Variants in SERINC5 observed in about 807,000 individuals in gnomAD.
The protein encoded by SERINC5 is serine incorporator 5.
In SERINC5, 41 loss-of-function variants were observed where a neutral mutation model predicts 63.1. The observed-to-expected ratio is 0.65, with a 90% CI of 0.51 to 0.84. The LOEUF (loss-of-function observed/expected upper bound fraction) is 0.84. Ranked by LOEUF, SERINC5 falls within the 40% of genes least tolerant of loss-of-function variation. The pLI, the probability that SERINC5 is intolerant of heterozygous loss-of-function variation, is 0.00. For synonymous variants in SERINC5, 222 were observed against 215.2 expected (o/e 1.03, Z -0.28); for missense variants, 523 against 573.0 (o/e 0.91, Z 0.89).
chr5:80,153,000 G>A (rs916767840), intron 8 of SERINC5, among the ~76,000 whole-genome samples: 9 of 152,182 alleles, frequency 5.9e-5, no homozygotes, highest in Non-Finnish European at 8.8e-5. Flanking sequence ...TTGGGTTAAC[G>A]TAATTTCCGG....
chr5:80,168,878 C>A (rs1204122691), intron 6 of SERINC5, among the ~76,000 whole-genome samples: 1 of 152,172 alleles, frequency 6.6e-6, no homozygotes, highest in East Asian at 1.9e-4. Flanking sequence ...GCTGGCTGAG[C>A]TGGGATGGGA....
At chr5:80,248,181 C>T (rs1290796438) in intron 1 of SERINC5, among the ~76,000 whole-genome samples, 2 of 152,084 alleles carry the variant, frequency 1.3e-5, no homozygotes, top group Non-Finnish European at 2.9e-5. Flanking sequence ...CTAAATTAGG[C>T]ACAGTTAAGA....
At position 80,141,986 on chromosome 5, in the gene SERINC5, T is replaced by C; in HGVS notation, c.*1677A>G. ...AAGGAATGAATAGAAAGAATTTCAC[T>C]AATTTCACCCACCAGCATTTTGGCA... On this transcript the variant is annotated 3_prime_UTR_variant, in exon 12 of 12. Coordinates refer to ENST00000507668, the MANE Select transcript of SERINC5 (RefSeq NM_001174072.3). The C allele has an allele frequency of 1.0e-6, 1 of 985,362 alleles. No homozygotes were observed. The highest frequency in any genetic ancestry group is 1.7e-5 in the African/African-American group (1 of 57,362). The allele number at this position is 985,362 out of a possible 1,614,324, so 61.0% of individuals were successfully genotyped here.
intron 5 of SERINC5, among the ~76,000 whole-genome samples, chr5:80,171,754 T>C (rs1308094564): frequency 6.6e-6 from 1 of 151,770 alleles, no homozygotes; most frequent in Non-Finnish European, 1.5e-5. Flanking sequence ...TAGCTGGACA[T>C]GCTAATTAGC....
intron 9 of SERINC5, among the ~76,000 whole-genome samples, chr5:80,148,126 T>C (rs1438145461): frequency 2.0e-5 from 3 of 151,156 alleles, no homozygotes; most frequent in Non-Finnish European, 4.4e-5. Context: ...GCACGGGCCG[T>C]GGGCAGGGAT....
chr5:80,167,128 T>C (rs150916964), intron 6 of SERINC5: 2 of 152,430 alleles, frequency 1.3e-5, no homozygotes, highest in Admixed American at 1.3e-4. Flanking sequence ...TGCAGGTTTG[T>C]TGTAAGGGGA....
intron 11 of SERINC5, among the ~76,000 whole-genome samples, chr5:80,126,144 G>A (rs893909946): frequency 6.6e-6 from 1 of 152,154 alleles, no homozygotes; most frequent in African/African-American, 2.4e-5. Context: ...AGAGGAGAAG[G>A]AGGAACCGAA....
At chr5:80,113,707 A>G (rs1222382702) in intron 11 of SERINC5, 1 of 172,094 alleles carries the variant, frequency 5.8e-6, no homozygotes, top group Non-Finnish European at 1.3e-5. Flanking sequence ...CATGAGACTT[A>G]TTCACTATCA....
chr5:80,138,322 A>G (rs749706741), downstream of SERINC5, among the ~76,000 whole-genome samples: 4 of 151,832 alleles, frequency 2.6e-5, no homozygotes, highest in Non-Finnish European at 4.4e-5. Flanking sequence ...TAGGCCGGGC[A>G]CGGTGGCTCA....
intron 8 of SERINC5, among the ~76,000 whole-genome samples, chr5:80,153,819 A>G (rs1746341859): frequency 6.6e-6 from 1 of 152,080 alleles, no homozygotes; most frequent in African/African-American, 2.4e-5. Context: ...AAAAAAAAAA[A>G]AAAGAAAAGC....
At chr5:80,166,685 CTACTTCAAAGACATCAGG>C in intron 6 of SERINC5, 1 of 436,366 alleles carries the variant, frequency 2.3e-6, no homozygotes, top group South Asian at 2.3e-5. Context: ...CTGAACATTG[CTACTTCAAAGACATCAGG>C]TTCTGCCAAG....
In SERINC5 at chr5:80,250,562, G is replaced by A. The variant is rs185221467; in HGVS notation, c.27+5334C>T. On this transcript the variant is annotated intron_variant, in intron 1 of 11. Coordinates refer to ENST00000507668, the MANE Select transcript of SERINC5 (RefSeq NM_001174072.3). ...TCGCCATGTTGGCCAGGCTGGTCTC[G>A]AACTCCGCCCACCTGAGCCTCCCAA... Among the ~76,000 whole-genome samples, 32 of 152,294 alleles carry A rather than the reference G, an allele frequency of 2.1e-4. 1 individual carries two copies. The East Asian group carries it at 6.0e-3, about 29-fold the overall frequency.
rs540530439 is a variant in SERINC5 at position 80,249,183 on chromosome 5, T to C, written c.27+6713A>G. ...CAAAAAAATTAGCCGGGCGTGGTGA[T>C]GGGTGCCTGTAGTCCCAGCTACTCG... On this transcript the variant is annotated intron_variant, in intron 1 of 11. Coordinates refer to ENST00000507668, the MANE Select transcript of SERINC5 (RefSeq NM_001174072.3). Among the ~76,000 whole-genome samples the C allele has an allele frequency of 2.0e-5, 3 of 152,036 alleles. No homozygotes were observed. The South Asian group carries it at 6.2e-4, about 32-fold the overall frequency.
Position 80,146,166 on chromosome 5 carries a change from A to G in SERINC5, c.1162T>C (p.Tyr388His), listed in dbSNP as rs1227207768. Residue 388 changes from tyrosine (Y) to histidine (H), a missense_variant, in exon 11 of 12, where the codon TAC (tyrosine) becomes CAC (histidine). Transcript: ENST00000507668. ...VIYDEKKGTVYIYSYFHFVFF... is the reference protein window; with the variant it reads ...VIYDEKKGTVHIYSYFHFVFF... Reference sequence around the variant, plus strand: ...ACGAAGTGGAAGTAGGAGTAGATGTAGACGGTGCCTTTCTTCTCGTCATAA... The same window carrying G: ...ACGAAGTGGAAGTAGGAGTAGATGTGGACGGTGCCTTTCTTCTCGTCATAA... 5.6e-6 allele frequency: 9 copies of G among 1,614,044 alleles called. No homozygotes were observed. Among genetic ancestry groups the G allele is most frequent in the Non-Finnish European group, 7.6e-6 (9 of 1,179,854 alleles).
At chr5:80,163,290 T>C (rs1747062785) in intron 7 of SERINC5, among the ~76,000 whole-genome samples, 1 of 152,168 alleles carries the variant, frequency 6.6e-6, no homozygotes, top group Non-Finnish European at 1.5e-5. Context: ...AACACGACAA[T>C]TTGACTTCCT....
Position 80,164,910 on chromosome 5 carries a change from G to GTTTTTTTTTTTTTTTTTTT in SERINC5, c.859+1454_859+1472dup, listed in dbSNP as rs70982026. ...TGAAATTTAAAATAACTTTTTTTCT[G>GTTTTTTTTTTTTTTTTTTT]TTTTTTTTTTTTTTTTTTTTTTGTA... On this transcript the variant is annotated intron_variant, in intron 7 of 11. Coordinates refer to ENST00000507668, the MANE Select transcript of SERINC5 (RefSeq NM_001174072.3). Among the ~76,000 whole-genome samples, 9 of 85,190 alleles carry GTTTTTTTTTTTTTTTTTTT rather than the reference G, an allele frequency of 1.1e-4. 1 individual carries two copies. The highest frequency in any genetic ancestry group is 2.0e-4 in the African/African-American group (4 of 20,446). 55.9% of individuals were successfully genotyped at this position (85,190 alleles called of 152,430 possible).
At chr5:80,238,888 G>A (rs750584482) in intron 1 of SERINC5, among the ~76,000 whole-genome samples, 23 of 151,576 alleles carry the variant, frequency 1.5e-4, no homozygotes, top group Non-Finnish European at 2.9e-4. Flanking sequence ...GAACTGCTCT[G>A]CACAGACAGC....
In SERINC5 at chr5:80,213,163, T is replaced by C. The variant is rs1324034221; in HGVS notation, c.28-10110A>G. Among the ~76,000 whole-genome samples, 2 of 149,352 alleles carry C rather than the reference T, an allele frequency of 1.3e-5. 1 individual carries two copies. Among genetic ancestry groups the C allele is most frequent in the South Asian group, 4.2e-4 (2 of 4,794 alleles). On this transcript the variant is annotated intron_variant, in intron 1 of 11. Coordinates refer to ENST00000507668, the MANE Select transcript of SERINC5 (RefSeq NM_001174072.3). ...CAGGAGGCTGAGGCAGGAGAATCGC[T>C]TGAACCCAGGAGGCGGAGGTTGCAG...
Position 80,141,672 on chromosome 5 carries a change from T to C in SERINC5, c.*1991A>G, listed in dbSNP as rs1745517494. 1 of 985,462 alleles carries C rather than the reference T, an allele frequency of 1.0e-6. No homozygotes were observed. The highest frequency in any genetic ancestry group is 1.2e-6 in the Non-Finnish European group (1 of 829,992). The allele number at this position is 985,462 out of a possible 1,614,324, so 61.0% of individuals were successfully genotyped here. ...TACTGTGTGTGACACGCAGCCCCACTCCCTGAGCCCATTCCTGGCCCACGG... is the reference window on the plus strand; with the variant it reads ...TACTGTGTGTGACACGCAGCCCCACCCCCTGAGCCCATTCCTGGCCCACGG... On this transcript the variant is annotated 3_prime_UTR_variant, in exon 12 of 12. Coordinates refer to ENST00000507668, the MANE Select transcript of SERINC5 (RefSeq NM_001174072.3).
Sources: gnomAD v4.1 joint callset for allele counts (sites outside exome capture counted in the v4.1 genomes callset) on GRCh38, gnomAD v4.1.1 for gene constraint, MANE v1.5 for transcripts, NCBI Gene and HGNC (gene_info 2026-07-23, HGNC 2026-07-21) for gene names.